RNF20: variants seen among roughly 807,000 people sequenced by gnomAD.
RNF20 encodes the protein E3 ubiquitin-protein ligase BRE1A.
A neutral mutation model predicts 126.2 loss-of-function variants in RNF20; 84 were observed. That is an observed-to-expected ratio of 0.67 (90% CI 0.56 to 0.80). The LOEUF (loss-of-function observed/expected upper bound fraction) is 0.80, where lower values mean the gene tolerates loss of function less well. Ranked by LOEUF, RNF20 falls within the 30% of genes least tolerant of loss-of-function variation. The pLI is 0.00. For synonymous variants in RNF20, 400 were observed against 414.3 expected, an observed-to-expected ratio of 0.97 and a Z score of 0.42; for missense variants, 869 against 1,188.2, an observed-to-expected ratio of 0.73 and a Z score of 3.95.
intron 15 of RNF20, among the ~76,000 whole-genome samples, chr9:101,557,008 G>T (rs979293794): frequency 1.3e-5 from 2 of 152,188 alleles, no homozygotes; most frequent in African/African-American, 4.8e-5. Flanking sequence ...GGCTTTAGAT[G>T]TTTGCAACTG....
chr9:101,549,634 T>TA (rs1296565283), intron 9 of RNF20, among the ~76,000 whole-genome samples: 1 of 152,126 alleles, frequency 6.6e-6, no homozygotes, highest in Non-Finnish European at 1.5e-5. Flanking sequence ...CCTTGACACT[T>TA]ACGCTACCGC....
In RNF20 at chr9:101,535,432, A is replaced by G; in HGVS notation, c.9A>G (p.Gly3=). 6.2e-7 allele frequency: 1 copy of G among 1,612,434 alleles called. No homozygotes were observed. The highest frequency in any genetic ancestry group is 8.5e-7 in the Non-Finnish European group (1 of 1,179,630). MS[G]IGNKRAAGEP... ...TGTCTTCTTCTGCCAAAATGTCAGG[A>G]ATTGGAAATAAAAGAGCAGCTGGAG... Residue 3 remains glycine, a synonymous_variant, in exon 2 of 20, where the codon GGA becomes GGG. Transcript: ENST00000389120.
chr9:101,540,030 A>G, intron 2 of RNF20, 173 bp from the exon 3 acceptor site: 2 of 631,814 alleles, frequency 3.2e-6, no homozygotes, highest in East Asian at 2.8e-5. Context: ...ACACCATCAT[A>G]TACCTGTTGT....
At chr9:101,545,009 A>G (rs1827326268) in intron 6 of RNF20, 124 bp downstream of exon 6, 2 of 680,596 alleles carry the variant, frequency 2.9e-6, no homozygotes, top group Non-Finnish European at 5.3e-6. Flanking sequence ...GGGATTTTGT[A>G]AAACACAACA....
chr9:101,540,341 CTAT>C lies in RNF20; in HGVS notation c.270_272del (p.Leu91del). ...ACGACAGGCCACTGATGATGCCTCA[CTAT>C]TGATTGTCAACCGATACTGGAGTCA... is the stretch of plus-strand genomic sequence containing the variant. On this transcript the variant is annotated inframe_deletion, in exon 3 of 20. Coordinates refer to ENST00000389120, the MANE Select transcript of RNF20 (RefSeq NM_019592.7). 1 of 1,614,188 alleles carries C rather than the reference CTAT, an allele frequency of 6.2e-7. No homozygotes were observed. Among genetic ancestry groups the C allele is most frequent in the African/African-American group, 1.3e-5 (1 of 75,040 alleles).
Position 101,546,814 on chromosome 9 carries a change from A to T in RNF20, c.748-6A>T. 6.2e-7 allele frequency: 1 copy of T among 1,613,932 alleles called. No individual in the cohort carries two copies. Among genetic ancestry groups the T allele is most frequent in the Non-Finnish European group, 8.5e-7 (1 of 1,179,900 alleles). Reference sequence around the variant, plus strand: ...ATGTTTCTGAATGTTTGTCTTTGGGATGTAGTTCTCCAAGTTGCAGAGTAA... The same window carrying T: ...ATGTTTCTGAATGTTTGTCTTTGGGTTGTAGTTCTCCAAGTTGCAGAGTAA... On this transcript the variant is annotated splice_polypyrimidine_tract_variant and splice_region_variant and intron_variant, in intron 6 of 19. Coordinates refer to ENST00000389120, the MANE Select transcript of RNF20 (RefSeq NM_019592.7).
intron 1 of RNF20, among the ~76,000 whole-genome samples, chr9:101,534,726 A>T (rs960532030): frequency 1.2e-4 from 18 of 152,076 alleles, no homozygotes; most frequent in African/African-American, 4.3e-4. Flanking sequence ...TTCTTTCAAC[A>T]CTGTAGTATT....
chr9:101,562,700 C>A lies in RNF20; in HGVS notation c.*278C>A. ...GTTTATTTTGTGCTTTTAGACTTTT[C>A]AGTGTTTTCTTTTTCCAGCCCACTG... On this transcript the variant is annotated 3_prime_UTR_variant, in exon 20 of 20. Coordinates refer to ENST00000389120, the MANE Select transcript of RNF20 (RefSeq NM_019592.7). 1 of 287,768 alleles carries A rather than the reference C, an allele frequency of 3.5e-6. No homozygotes were observed. The highest frequency in any genetic ancestry group is 6.4e-6 in the Non-Finnish European group (1 of 155,208). 17.8% of individuals were successfully genotyped at this position (287,768 alleles called of 1,614,324 possible).
intron 13 of RNF20, among the ~76,000 whole-genome samples, chr9:101,553,754 G>A (rs529463890): frequency 4.5e-4 from 68 of 152,224 alleles, no homozygotes; most frequent in Non-Finnish European, 9.3e-4. Flanking sequence ...TTATAACTTT[G>A]TTAGAGGACT....
intron 5 of RNF20, 108 bp from the exon 6 acceptor site, chr9:101,544,659 A>G: frequency 1.4e-6 from 1 of 696,270 alleles, no homozygotes; most frequent in Non-Finnish European, 2.5e-6. Flanking sequence ...GTGAGCCGAG[A>G]TCGCGCCACT....
chr9:101,547,246 C>T (rs1827365781), intron 8 of RNF20, 32 bp downstream of exon 8: 7 of 1,610,464 alleles, frequency 4.3e-6, no homozygotes, highest in Non-Finnish European at 5.9e-6. Flanking sequence ...ATGTTTTGGA[C>T]TGTATGTCAG....
At chr9:101,557,926 T>C (rs1190246694) in intron 16 of RNF20, among the ~76,000 whole-genome samples, 2 of 152,126 alleles carry the variant, frequency 1.3e-5, no homozygotes, top group African/African-American at 4.8e-5. Flanking sequence ...TCTGGAAGGC[T>C]GCATGAGAAA....
In RNF20 at chr9:101,561,212, C is replaced by T; in HGVS notation, c.2631C>T (p.Phe877=). Residue 877 remains phenylalanine (F), a synonymous_variant, in exon 18 of 20, where the codon TTC becomes TTT. Coordinates refer to ENST00000389120, the MANE Select transcript of RNF20 (RefSeq NM_019592.7). ...GTGTTACCAAAGAAAAGGACATGTT[C>T]AATTTCAAACGAGCCCAGGTAAAAG... is the stretch of plus-strand genomic sequence containing the variant. ...ENSVTKEKDM[F]NFKRAQEDIS... 6.2e-7 allele frequency: 1 copy of T among 1,613,640 alleles called. No individual in the cohort carries two copies.
chr9:101,562,702 G>A lies in RNF20; in HGVS notation c.*280G>A, dbSNP rs778646023. On this transcript the variant is annotated 3_prime_UTR_variant, in exon 20 of 20. Coordinates refer to ENST00000389120, the MANE Select transcript of RNF20 (RefSeq NM_019592.7). ...TTATTTTGTGCTTTTAGACTTTTCA[G>A]TGTTTTCTTTTTCCAGCCCACTGTA... 6.4e-5 allele frequency: 18 copies of A among 281,534 alleles called. No homozygotes were observed. Among genetic ancestry groups the A allele is most frequent in the Non-Finnish European group, 9.2e-5 (14 of 151,420 alleles). The allele number at this position is 281,534 out of a possible 1,614,324, so 17.4% of individuals were successfully genotyped here. A position where few individuals can be genotyped will look rare whatever the true frequency, so the allele number is the denominator to read the frequency against.
At chr9:101,549,995 A>G (rs915943085) in intron 9 of RNF20, among the ~76,000 whole-genome samples, 13 of 152,146 alleles carry the variant, frequency 8.5e-5, no homozygotes, top group Non-Finnish European at 2.9e-5. Context: ...TTGCCTCGGC[A>G]CCTGGGTGGC....
intron 6 of RNF20, 151 bp from the exon 7 acceptor site, chr9:101,546,669 C>T (rs780968731): frequency 2.0e-5 from 14 of 703,732 alleles, no homozygotes; most frequent in African/African-American, 7.2e-5. Flanking sequence ...TGGAGGAATC[C>T]GTGATTTCAT....
At chr9:101,550,553 C>T (rs1827426024) in intron 9 of RNF20, 53 bp from the exon 10 acceptor site, 8 of 1,493,586 alleles carry the variant, frequency 5.4e-6, no homozygotes, top group East Asian at 4.5e-5. Context: ...TCCTGTCTAG[C>T]GTCTGGGGCA....
chr9:101,561,848 A>G, intron 18 of RNF20, 62 bp from the exon 19 acceptor site: 1 of 1,126,226 alleles, frequency 8.9e-7, no homozygotes, highest in Non-Finnish European at 1.4e-6. Context: ...CAAGTCTATT[A>G]TTTTTCTCAA....
intron 2 of RNF20, among the ~76,000 whole-genome samples, chr9:101,536,381 C>T (rs182361271): frequency 1.3e-5 from 2 of 152,058 alleles, no homozygotes; most frequent in Non-Finnish European, 2.9e-5. Flanking sequence ...CTTGCAAAAC[C>T]ACATCTATTG....
Sources: gnomAD v4.1 joint callset for allele counts (sites outside exome capture counted in the v4.1 genomes callset) on GRCh38, gnomAD v4.1.1 for gene constraint, MANE v1.5 for transcripts, NCBI Gene and HGNC (gene_info 2026-07-23, HGNC 2026-07-21) for gene names.